Variants in TRPM3 observed in about 807,000 individuals in gnomAD.
TRPM3 encodes transient receptor potential cation channel subfamily M member 3.
TRPM3 carries 77 observed loss-of-function variants against 181.2 expected under a neutral mutation model. The observed-to-expected ratio is 0.42, with a 90% confidence interval of 0.35 to 0.51. The LOEUF is 0.51. TRPM3 is among the 20% of genes least tolerant of loss of function. The probability of loss-of-function intolerance (pLI) is 0.01; values close to 1 mark genes in which losing one functional copy is unlikely to be tolerated. For synonymous variants in TRPM3, 745 were observed against 796.4 expected (o/e 0.94, Z 1.09); for missense variants, 1,759 against 2,196.7 (o/e 0.80, Z 3.98).
chr9:71,021,782 C>T (rs1217974361), intron 1 of TRPM3, among the ~76,000 whole-genome samples: 2 of 151,950 alleles, frequency 1.3e-5, no homozygotes, highest in Admixed American at 6.6e-5. Flanking sequence ...AGTGAACAAA[C>T]TGGAAATCAC....
chr9:70,592,888 C>T (rs2058360187), intron 21 of TRPM3, among the ~76,000 whole-genome samples: 1 of 152,048 alleles, frequency 6.6e-6, no homozygotes, highest in Non-Finnish European at 1.5e-5. Flanking sequence ...CACCACCATG[C>T]CCCGCTAATT....
chr9:71,233,245 G>A (rs1312440515), intron 1 of TRPM3, among the ~76,000 whole-genome samples: 1 of 152,106 alleles, frequency 6.6e-6, no homozygotes, highest in Non-Finnish European at 1.5e-5. Context: ...TTCAAAAGGA[G>A]AATCACAGAT....
At chr9:71,011,902 G>A (rs745637076) in intron 1 of TRPM3, among the ~76,000 whole-genome samples, 2 of 149,498 alleles carry the variant, frequency 1.3e-5, no homozygotes, top group Non-Finnish European at 1.5e-5. Context: ...CACCTCAGCC[G>A]CCCGAGCAAC....
At chr9:70,878,004 GCC>G (rs1438410839) in intron 1 of TRPM3, among the ~76,000 whole-genome samples, 2 of 151,650 alleles carry the variant, frequency 1.3e-5, no homozygotes, top group Non-Finnish European at 2.9e-5. Flanking sequence ...TTTTTTGAAT[GCC>G]ACATGACACA....
chr9:70,862,368 T>A (rs2132392032), intron 3 of TRPM3, among the ~76,000 whole-genome samples: 1 of 152,282 alleles, frequency 6.6e-6, no homozygotes, highest in East Asian at 1.9e-4. Context: ...AATCTTCTAA[T>A]GAGAACATTA....
Position 71,413,858 on chromosome 9 carries a change from C to CTT in TRPM3, c.183+32793_183+32794dup, listed in dbSNP as rs564664274. On this transcript the variant is annotated intron_variant, in intron 1 of 24. Coordinates refer to the TRPM3 transcript ENST00000357533. ...CCAGGATTATGAAAAATACATTTCTCTTTTTTTTTTTTTTAAACTACCCAG... is the reference window on the plus strand; with the variant it reads ...CCAGGATTATGAAAAATACATTTCTCTTTTTTTTTTTTTTTTAAACTACCCAG... 6.5e-4 allele frequency among the ~76,000 whole-genome samples: 94 copies of CTT among 144,848 alleles called. 1 individual carries two copies. Among genetic ancestry groups the CTT allele is most frequent in the South Asian group, 2.9e-3 (13 of 4,516 alleles).
intron 1 of TRPM3, among the ~76,000 whole-genome samples, chr9:71,441,495 G>T (rs923310531): frequency 6.6e-6 from 1 of 152,088 alleles, no homozygotes. Flanking sequence ...CACTGAAAAA[G>T]GAAACAACAA....
chr9:71,319,768 T>C (rs928479792), intron 1 of TRPM3, among the ~76,000 whole-genome samples: 2 of 152,046 alleles, frequency 1.3e-5, no homozygotes, highest in African/African-American at 4.8e-5. Flanking sequence ...TCCCACTACT[T>C]TGGCAACAAG....
chr9:70,822,759 T>TTGTGTG (rs113090222), intron 6 of TRPM3, among the ~76,000 whole-genome samples: 15,050 of 147,074 alleles, frequency 0.1, 897 homozygotes, highest in Middle Eastern at 0.14. Context: ...AAGATTTGTC[T>TTGTGTG]TGTGTGTGTG....
At chr9:70,621,220 C>G (rs1468433056) in intron 15 of TRPM3, 24 bp downstream of exon 15, 1 of 1,565,394 alleles carries the variant, frequency 6.4e-7, no homozygotes, top group Non-Finnish European at 8.7e-7. Flanking sequence ...ATCATTGACA[C>G]TAATAATTTG....
intron 19 of TRPM3, among the ~76,000 whole-genome samples, chr9:70,606,464 T>C (rs1376029078): frequency 1.3e-5 from 2 of 152,166 alleles, no homozygotes; most frequent in Non-Finnish European, 2.9e-5. Flanking sequence ...CAAGCTATAA[T>C]ATAATATTTT....
intron 1 of TRPM3, among the ~76,000 whole-genome samples, chr9:71,274,385 T>C (rs2084031258): frequency 6.6e-6 from 1 of 152,240 alleles, no homozygotes; most frequent in African/African-American, 2.4e-5. Flanking sequence ...AGCTGGATAA[T>C]ACTATTGTCC....
intron 9 of TRPM3, among the ~76,000 whole-genome samples, chr9:70,644,094 C>G (rs1222089830): frequency 6.6e-6 from 1 of 152,204 alleles, no homozygotes; most frequent in Non-Finnish European, 1.5e-5. Flanking sequence ...ATTGAATACT[C>G]TCTCTGCTGG....
chr9:70,862,079 T>C (rs2095536512), intron 3 of TRPM3, among the ~76,000 whole-genome samples: 1 of 152,174 alleles, frequency 6.6e-6, no homozygotes, highest in Admixed American at 6.5e-5. Context: ...TATGCTTCTT[T>C]TAGCAAAATT....
At chr9:71,280,027 G>A (rs1452847136) in intron 1 of TRPM3, among the ~76,000 whole-genome samples, 3 of 147,582 alleles carry the variant, frequency 2.0e-5, no homozygotes, top group Non-Finnish European at 3.0e-5. Context: ...GCAGTGAGCC[G>A]AGATCTTGAC....
At chr9:71,327,607 G>T (rs1170813008) in intron 1 of TRPM3, among the ~76,000 whole-genome samples, 1 of 152,208 alleles carries the variant, frequency 6.6e-6, no homozygotes, top group Non-Finnish European at 1.5e-5. Flanking sequence ...TACAGTGAAT[G>T]AACTAGTGTT....
chr9:70,899,252 T>G (rs1259156826), intron 1 of TRPM3, among the ~76,000 whole-genome samples: 1 of 152,234 alleles, frequency 6.6e-6, no homozygotes, highest in Admixed American at 6.5e-5. Flanking sequence ...ACAGCTTTGT[T>G]GTAGCCTTAA....
At chr9:71,149,989 T>C (rs1432864905) in intron 1 of TRPM3, among the ~76,000 whole-genome samples, 2 of 151,514 alleles carry the variant, frequency 1.3e-5, no homozygotes, top group Admixed American at 6.6e-5. Flanking sequence ...TATATAAACA[T>C]ATAAATAAAA....
intron 6 of TRPM3, among the ~76,000 whole-genome samples, chr9:70,805,488 T>C (rs908983616): frequency 1.3e-4 from 18 of 141,232 alleles, no homozygotes; most frequent in African/African-American, 3.6e-4. Flanking sequence ...GAGCCGAGAT[T>C]GCGGCACTGC....
Sources: gnomAD v4.1 joint callset for allele counts (sites outside exome capture counted in the v4.1 genomes callset) on GRCh38, gnomAD v4.1.1 for gene constraint, MANE v1.5 for transcripts, NCBI Gene and HGNC (gene_info 2026-07-23, HGNC 2026-07-21) for gene names.